The following VPS13C variants were observed in gnomAD, a reference collection of about 807,000 sequenced individuals.
VPS13C encodes vacuolar protein sorting 13 homolog C, also known as intermembrane lipid transfer protein VPS13C.
VPS13C carries 358 observed loss-of-function variants against 456.8 expected under a neutral mutation model. The ratio of observed to expected loss-of-function variants is 0.78; its 90% CI spans 0.72 to 0.86. The LOEUF is 0.86. VPS13C is among the 40% of genes least tolerant of loss of function. The pLI, the probability that VPS13C is intolerant of heterozygous loss-of-function variation, is 0.00. For synonymous variants in VPS13C, 1,578 were observed against 1,486.7 expected (o/e 1.06, Z -1.41); for missense variants, 4,818 against 4,385.4 (o/e 1.10, Z -2.79).
intron 1 of VPS13C, among the ~76,000 whole-genome samples, chr15:62,059,581 T>C (rs1335918754): frequency 6.6e-6 from 1 of 152,248 alleles, no homozygotes; most frequent in Non-Finnish European, 1.5e-5. Flanking sequence ...AGACACCTAA[T>C]TAATGACGAT....
intron 58 of VPS13C, 145 bp from the exon 59 acceptor site, chr15:61,918,402 G>A: frequency 1.5e-6 from 1 of 686,574 alleles, no homozygotes; most frequent in Non-Finnish European, 2.3e-6. Flanking sequence ...AAAAATTTTA[G>A]GGTATTTAAG....
In VPS13C at chr15:61,962,591, A is replaced by G; in HGVS notation, c.3436-53T>C. On this transcript the variant is annotated intron_variant, in intron 33 of 84. Coordinates refer to ENST00000644861, the MANE Select transcript of VPS13C (RefSeq NM_020821.3). ...TATCCGGGAAGGTAATGACAAAATA[A>G]AATCTCATTTACAAAAGGCTTTACA... is the stretch of plus-strand genomic sequence containing the variant. The G allele has an allele frequency of 2.0e-6, 3 of 1,512,470 alleles. No homozygotes were observed. In the East Asian group the frequency reaches 6.9e-5, roughly 35 times the overall value. The allele number at this position is 1,512,470 out of a possible 1,614,324, so 93.7% of individuals were successfully genotyped here.
Position 62,017,214 on chromosome 15 carries a change from A to C in VPS13C, c.685-3222T>G, listed in dbSNP as rs1310638648. Among the ~76,000 whole-genome samples the C allele has an allele frequency of 2.6e-5, 4 of 151,964 alleles. No individual in the cohort carries two copies. The East Asian group carries it at 7.8e-4, about 29-fold the overall frequency. On this transcript the variant is annotated intron_variant, in intron 9 of 84. Transcript: ENST00000644861. Reference sequence around the variant, plus strand: ...TTTGTCAGATGAGTAGGTTGCAAAAATTTTCTCCCATTCTGTAGGTTGCCT... The same window carrying C: ...TTTGTCAGATGAGTAGGTTGCAAAACTTTTCTCCCATTCTGTAGGTTGCCT...
chr15:62,030,236 C>A (rs1567128982), intron 5 of VPS13C, among the ~76,000 whole-genome samples: 1 of 152,130 alleles, frequency 6.6e-6, no homozygotes, highest in South Asian at 2.1e-4. Context: ...TTTACAAATT[C>A]AAGGAAAACA....
chr15:61,869,704 T>C (rs919335106), intron 79 of VPS13C, 81 bp from the exon 80 acceptor site: 18 of 1,581,488 alleles, frequency 1.1e-5, no homozygotes, highest in African/African-American at 1.1e-4. Context: ...CTGGGCCAGA[T>C]ACTGAACTGT....
intron 59 of VPS13C, 116 bp from the exon 60 acceptor site, chr15:61,917,751 G>A (rs377212118): frequency 9.0e-7 from 1 of 1,112,822 alleles, no homozygotes; most frequent in African/African-American, 1.6e-5. Context: ...TGTTTTTACA[G>A]ATATACAGAT....
intron 16 of VPS13C, among the ~76,000 whole-genome samples, chr15:61,999,443 G>T (rs1284769010): frequency 6.6e-5 from 10 of 151,908 alleles, no homozygotes; most frequent in African/African-American, 2.4e-4. Context: ...ATTGTGTGGG[G>T]GCTTGGCGTC....
chr15:61,941,337 C>A (rs1488157398), intron 46 of VPS13C, among the ~76,000 whole-genome samples: 1 of 152,152 alleles, frequency 6.6e-6, no homozygotes, highest in Non-Finnish European at 1.5e-5. Context: ...CATTTCGATT[C>A]ACTAATCCTT....
At chr15:61,907,122 T>C (rs565336138) in intron 66 of VPS13C, 142 bp downstream of exon 66, 4 of 1,200,540 alleles carry the variant, frequency 3.3e-6, no homozygotes, top group African/African-American at 3.0e-5. Flanking sequence ...GTATTTGCCA[T>C]CTAAAGTCCA....
intron 6 of VPS13C, among the ~76,000 whole-genome samples, chr15:62,027,257 T>C (rs1424266492): frequency 6.6e-6 from 1 of 151,994 alleles, no homozygotes; most frequent in South Asian, 2.1e-4. Context: ...AAAAAAAAAC[T>C]GAATCAATGA....
At chr15:62,059,325 G>A (rs2048910507) in intron 1 of VPS13C, among the ~76,000 whole-genome samples, 1 of 152,172 alleles carries the variant, frequency 6.6e-6, no homozygotes, top group Admixed American at 6.5e-5. Flanking sequence ...ATTTGTTGTT[G>A]CTTGAATTAA....
At chr15:61,912,378 T>C (rs2043327184) in intron 62 of VPS13C, among the ~76,000 whole-genome samples, 1 of 152,204 alleles carries the variant, frequency 6.6e-6, no homozygotes, top group Non-Finnish European at 1.5e-5. Flanking sequence ...AATAGGTTAA[T>C]TGGCATCATA....
At chr15:62,031,066 A>C (rs12591593) in intron 5 of VPS13C, among the ~76,000 whole-genome samples, 1 of 151,910 alleles carries the variant, frequency 6.6e-6, no homozygotes, top group African/African-American at 2.4e-5. Flanking sequence ...CAATGAAATA[A>C]AAGGAGAAAA....
chr15:62,020,892 G>C (rs1164596042), intron 8 of VPS13C, among the ~76,000 whole-genome samples: 1 of 151,888 alleles, frequency 6.6e-6, no homozygotes, highest in African/African-American at 2.4e-5. Context: ...AGGTGTTACA[G>C]ATAACACTGC....
chr15:61,989,958 G>C (rs1345953117), intron 18 of VPS13C, among the ~76,000 whole-genome samples: 1 of 152,090 alleles, frequency 6.6e-6, no homozygotes, highest in African/African-American at 2.4e-5. Context: ...GTTCAGAGCA[G>C]CATTATTCAT....
At chr15:61,994,240 C>T (rs1173008772) in intron 16 of VPS13C, among the ~76,000 whole-genome samples, 1 of 152,116 alleles carries the variant, frequency 6.6e-6, no homozygotes, top group African/African-American at 2.4e-5. Flanking sequence ...TCTACTGCAT[C>T]CCAATATTAG....
intron 18 of VPS13C, among the ~76,000 whole-genome samples, chr15:61,989,874 T>C (rs2046170481): frequency 6.6e-6 from 1 of 152,314 alleles, no homozygotes; most frequent in East Asian, 1.9e-4. Flanking sequence ...CTATTTAATA[T>C]GCTCATATCC....
At chr15:61,982,611 T>C in intron 20 of VPS13C, 38 bp from the exon 21 acceptor site, 3 of 1,451,024 alleles carry the variant, frequency 2.1e-6, no homozygotes, top group Non-Finnish European at 2.9e-6. Flanking sequence ...AAGTTACACA[T>C]GGTTCTTTCC....
intron 83 of VPS13C, 22 bp from the exon 84 acceptor site, chr15:61,854,976 C>A: frequency 6.4e-7 from 1 of 1,572,624 alleles, no homozygotes; most frequent in Admixed American, 2.1e-5. Context: ...GAAACAATGA[C>A]AGAAAAGAAA....
Sources: gnomAD v4.1 joint callset for allele counts (sites outside exome capture counted in the v4.1 genomes callset) on GRCh38, gnomAD v4.1.1 for gene constraint, MANE v1.5 for transcripts, NCBI Gene and HGNC (gene_info 2026-07-23, HGNC 2026-07-21) for gene names.